The following KCNAB1 variants were observed in gnomAD, a reference collection of about 807,000 sequenced individuals.
The protein encoded by KCNAB1 is potassium voltage-gated channel subfamily A regulatory beta subunit 1.
KCNAB1 carries 35 observed loss-of-function variants against 64.6 expected under a neutral mutation model. The ratio of observed to expected loss-of-function variants is 0.54; its 90% CI spans 0.41 to 0.72. The LOEUF (loss-of-function observed/expected upper bound fraction) is 0.72, where lower values mean the gene tolerates loss of function less well. KCNAB1 is among the 30% of genes least tolerant of loss of function. The pLI, the probability that KCNAB1 is intolerant of heterozygous loss-of-function variation, is 0.00. For synonymous variants in KCNAB1, 177 were observed against 183.8 expected (o/e 0.96, Z 0.30); for missense variants, 401 against 512.9 (o/e 0.78, Z 2.11).
intron 1 of KCNAB1, chr3:156,143,569 G>GTTTTTTTTT (rs56216211): frequency 1.1e-4 from 32 of 297,018 alleles, no homozygotes; most frequent in South Asian, 2.9e-4. Context: ...TTGCATTCTT[G>GTTTTTTTTT]TTTTTTTTTT....
intron 7 of KCNAB1, among the ~76,000 whole-genome samples, chr3:156,466,393 A>T (rs1713377342): frequency 6.6e-6 from 1 of 151,978 alleles, no homozygotes; most frequent in African/African-American, 2.4e-5. Flanking sequence ...CGTTTGGCTT[A>T]TTTTCACTTT....
chr3:156,241,069 G>A (rs1401341571), intron 1 of KCNAB1, among the ~76,000 whole-genome samples: 1 of 152,218 alleles, frequency 6.6e-6, no homozygotes, highest in East Asian at 1.9e-4. Context: ...AGGGTTGTTA[G>A]TTCCCCAATA....
intron 1 of KCNAB1, among the ~76,000 whole-genome samples, chr3:156,416,443 G>GA (rs1715084027): frequency 6.6e-6 from 1 of 152,096 alleles, no homozygotes; most frequent in Non-Finnish European, 1.5e-5. Flanking sequence ...TTGAAATGCT[G>GA]ATCCCTGCTC....
intron 8 of KCNAB1, among the ~76,000 whole-genome samples, chr3:156,503,746 A>T (rs576081111): frequency 6.6e-6 from 1 of 152,328 alleles, no homozygotes; most frequent in Admixed American, 6.5e-5. Flanking sequence ...CTCAACCTCC[A>T]TTTATTTATT....
At chr3:156,451,228 C>T (rs1711980992) in intron 2 of KCNAB1, among the ~76,000 whole-genome samples, 1 of 152,232 alleles carries the variant, frequency 6.6e-6, no homozygotes, top group Non-Finnish European at 1.5e-5. Context: ...GCATTCTAGT[C>T]AAGCAAAACA....
intron 1 of KCNAB1, among the ~76,000 whole-genome samples, chr3:156,284,927 C>G (rs551739322): frequency 2.0e-5 from 3 of 152,316 alleles, no homozygotes; most frequent in South Asian, 4.1e-4. Context: ...CACCCGTCTT[C>G]GTCGCTCTTG....
intron 1 of KCNAB1, among the ~76,000 whole-genome samples, chr3:156,382,775 C>A (rs948562067): frequency 1.3e-5 from 2 of 152,198 alleles, no homozygotes; most frequent in Non-Finnish European, 2.9e-5. Flanking sequence ...TTCCCTCTGG[C>A]TTTGCAAGCA....
At chr3:156,527,215 A>G (rs1718372075) in intron 12 of KCNAB1, among the ~76,000 whole-genome samples, 1 of 152,250 alleles carries the variant, frequency 6.6e-6, no homozygotes, top group Non-Finnish European at 1.5e-5. Context: ...ACAGTAAAAC[A>G]TATTAGCTAT....
At chr3:156,190,981 CTG>C (rs1315852216) in intron 1 of KCNAB1, among the ~76,000 whole-genome samples, 1 of 152,212 alleles carries the variant, frequency 6.6e-6, no homozygotes, top group Non-Finnish European at 1.5e-5. Context: ...GCGTGAACTA[CTG>C]TGTGTTTTTA....
chr3:156,407,239 T>G (rs1431222829), intron 1 of KCNAB1, among the ~76,000 whole-genome samples: 1 of 152,170 alleles, frequency 6.6e-6, no homozygotes, highest in Non-Finnish European at 1.5e-5. Flanking sequence ...ACCTTGTCCC[T>G]ACCTCAGGGT....
At chr3:156,321,933 G>A (rs1267858759) in intron 1 of KCNAB1, among the ~76,000 whole-genome samples, 2 of 152,162 alleles carry the variant, frequency 1.3e-5, no homozygotes, top group Non-Finnish European at 2.9e-5. Context: ...AAAACCATGT[G>A]TCAAAACTAC....
chr3:156,534,009 T>A (rs1484568716), intron 13 of KCNAB1, among the ~76,000 whole-genome samples: 1 of 152,162 alleles, frequency 6.6e-6, no homozygotes, highest in Non-Finnish European at 1.5e-5. Context: ...GATGAGGCTT[T>A]GCCTATCCTA....
chr3:156,429,510 TAA>T (rs752107649), intron 2 of KCNAB1, among the ~76,000 whole-genome samples: 2 of 152,228 alleles, frequency 1.3e-5, no homozygotes, highest in African/African-American at 2.4e-5. Flanking sequence ...CAGTGAATCT[TAA>T]GAATAAACTG....
chr3:156,195,071 T>C (rs1713823889), intron 1 of KCNAB1, among the ~76,000 whole-genome samples: 1 of 152,192 alleles, frequency 6.6e-6, no homozygotes, highest in Non-Finnish European at 1.5e-5. Flanking sequence ...TTGCTGAGAA[T>C]GATGGTTTCC....
At chr3:156,215,630 C>T (rs1715269941) in intron 1 of KCNAB1, 1 of 152,228 alleles carries the variant, frequency 6.6e-6, no homozygotes, top group Admixed American at 6.5e-5. Context: ...TTGGTGGAGA[C>T]AGACAGGGAA....
chr3:156,472,329 A>AG (rs1388000128), intron 7 of KCNAB1, among the ~76,000 whole-genome samples: 8 of 152,012 alleles, frequency 5.3e-5, no homozygotes, highest in African/African-American at 1.9e-4. Context: ...GCCTGCCTTC[A>AG]CTCTTGTGCC....
At chr3:156,440,000 G>GA (rs1716880370) in intron 2 of KCNAB1, among the ~76,000 whole-genome samples, 1 of 152,134 alleles carries the variant, frequency 6.6e-6, no homozygotes, top group Admixed American at 6.5e-5. Flanking sequence ...AATTAATTAA[G>GA]AAAAAAGCAA....
chr3:156,129,262 T>G (rs1343315982), intron 1 of KCNAB1, among the ~76,000 whole-genome samples: 1 of 152,256 alleles, frequency 6.6e-6, no homozygotes, highest in Non-Finnish European at 1.5e-5. Context: ...GCCTTCGTTA[T>G]TCTACTCCAT....
At chr3:156,509,724 G>T (rs1717067695) in intron 8 of KCNAB1, among the ~76,000 whole-genome samples, 1 of 152,174 alleles carries the variant, frequency 6.6e-6, no homozygotes, top group South Asian at 2.1e-4. Context: ...AATCACATTT[G>T]TCTGAGTCTC....
Sources: gnomAD v4.1 joint callset for allele counts (sites outside exome capture counted in the v4.1 genomes callset) on GRCh38, gnomAD v4.1.1 for gene constraint, MANE v1.5 for transcripts, NCBI Gene and HGNC (gene_info 2026-07-23, HGNC 2026-07-21) for gene names.